PAPSS2: variants seen among roughly 807,000 people sequenced by gnomAD.
The protein encoded by PAPSS2 is 3'-phosphoadenosine 5'-phosphosulfate synthase 2, also known as bifunctional 3'-phosphoadenosine 5'-phosphosulfate synthase 2.
In PAPSS2, 61 loss-of-function variants were observed where a neutral mutation model predicts 66.5. The ratio of observed to expected loss-of-function variants is 0.92; its 90% CI spans 0.75 to 1.14. PAPSS2 has a LOEUF of 1.14. Among genes scored for constraint, PAPSS2 ranks in the 50% most tolerant of loss-of-function variants. The pLI, the probability that PAPSS2 is intolerant of heterozygous loss-of-function variation, is 0.00. For synonymous variants in PAPSS2, 289 were observed against 287.5 expected (o/e 1.01, Z -0.05); for missense variants, 708 against 789.6 (o/e 0.90, Z 1.24).
At chr10:87,714,284 A>G (rs1296489234) in intron 4 of PAPSS2, 102 bp downstream of exon 4, 4 of 1,273,628 alleles carry the variant, frequency 3.1e-6, no homozygotes, top group Non-Finnish European at 4.5e-6. Flanking sequence ...ACTGTTTTCC[A>G]AAATTGCATA....
At chr10:87,709,735 G>A (rs557685271) in intron 2 of PAPSS2, among the ~76,000 whole-genome samples, 7 of 152,260 alleles carry the variant, frequency 4.6e-5, no homozygotes, top group Admixed American at 1.3e-4. Flanking sequence ...AGAGATATTC[G>A]TTATTGTTGC....
chr10:87,714,900 A>G (rs1189033491), intron 5 of PAPSS2, 37 bp downstream of exon 5: 4 of 1,459,574 alleles, frequency 2.7e-6, no homozygotes, highest in South Asian at 1.1e-5. Flanking sequence ...TATGTTTAAT[A>G]AAATCATGAA....
chr10:87,670,952 C>G lies in PAPSS2; in HGVS notation c.27+10944C>G, dbSNP rs1852869600. On this transcript the variant is annotated intron_variant, in intron 1 of 12. Transcript: ENST00000456849. Reference sequence around the variant, plus strand: ...ACATCCCTTGGGATTCAGGAAGGCACCTTGTGTACCCAACAGGGTTCCCCA... The same window carrying G: ...ACATCCCTTGGGATTCAGGAAGGCAGCTTGTGTACCCAACAGGGTTCCCCA... 2.6e-5 allele frequency among the ~76,000 whole-genome samples: 4 copies of G among 152,182 alleles called. No individual in the cohort carries two copies. The South Asian group carries it at 8.3e-4, about 32-fold the overall frequency.
At chr10:87,743,020 C>T (rs1408097435) in intron 10 of PAPSS2, among the ~76,000 whole-genome samples, 2 of 152,040 alleles carry the variant, frequency 1.3e-5, no homozygotes, top group Admixed American at 6.6e-5. Context: ...CTGAGGCAGG[C>T]GGATCACTTG....
intron 1 of PAPSS2, among the ~76,000 whole-genome samples, chr10:87,705,342 T>G (rs1449080253): frequency 6.6e-6 from 1 of 152,252 alleles, no homozygotes; most frequent in Non-Finnish European, 1.5e-5. Context: ...ATTTTCCTAT[T>G]GATGGACACT....
chr10:87,660,831 A>C (rs1414234809), intron 1 of PAPSS2, among the ~76,000 whole-genome samples: 2 of 123,984 alleles, frequency 1.6e-5, no homozygotes, highest in African/African-American at 3.2e-5. Context: ...AAAAAAAAAA[A>C]AAACCGGGAG....
In PAPSS2 at chr10:87,741,321, C is replaced by G. The variant is rs1356498341; in HGVS notation, c.1173C>G (p.Tyr391Ter). 1 of 1,613,698 alleles carries G rather than the reference C, an allele frequency of 6.2e-7. No homozygotes were observed. Among genetic ancestry groups the G allele is most frequent in the East Asian group, 2.2e-5 (1 of 44,872 alleles). The change falls in exon 10 of 13, where the codon TAC becomes TAG. Residue 391 changes from tyrosine (Y) to a stop codon, truncating the protein, a stop_gained. Transcript: ENST00000456849. LOFTEE classifies it high-confidence loss of function. The stretch of plus-strand genomic sequence containing the variant: ...GATGGAATGATGGGCTGGACCAATA[C>G]CGTCTGACACCTCTGGAGCTCAAAC... ...KIRWNDGLDQ[Y>*]RLTPLELKQK... is the part of the protein sequence containing the mutation.
chr10:87,746,093 AGTT>A lies in PAPSS2; in HGVS notation c.*126_*128del. 1.1e-6 allele frequency: 1 copy of A among 872,220 alleles called. No homozygotes were observed. The highest frequency in any genetic ancestry group is 1.8e-6 in the Non-Finnish European group (1 of 565,084). 54.0% of individuals were successfully genotyped at this position (872,220 alleles called of 1,614,324 possible). ...TTTTAATCTTTTATAATGAAGTAAAAGTTGTGTCTATAATTAAAAAAAAATATA... is the reference window on the plus strand; with the variant it reads ...TTTTAATCTTTTATAATGAAGTAAAAGTGTCTATAATTAAAAAAAAATATA... On this transcript the variant is annotated 3_prime_UTR_variant, in exon 13 of 13. Coordinates refer to ENST00000456849, the MANE Select transcript of PAPSS2 (RefSeq NM_001015880.2).
chr10:87,697,071 T>A (rs1853243473), intron 1 of PAPSS2, among the ~76,000 whole-genome samples: 1 of 152,250 alleles, frequency 6.6e-6, no homozygotes, highest in Admixed American at 6.5e-5. Flanking sequence ...ACATTTAGTT[T>A]TGTCTCCTTA....
At chr10:87,682,118 T>C (rs1853028672) in intron 1 of PAPSS2, among the ~76,000 whole-genome samples, 1 of 152,030 alleles carries the variant, frequency 6.6e-6, no homozygotes, top group South Asian at 2.1e-4. Context: ...ATTGAAAAAA[T>C]AGAATACGAA....
Position 87,679,107 on chromosome 10 carries a change from A to G in PAPSS2, c.27+19099A>G, listed in dbSNP as rs1238285142. Among the ~76,000 whole-genome samples the G allele has an allele frequency of 3.9e-5, 6 of 152,234 alleles. No homozygotes were observed. In the South Asian group the frequency reaches 6.2e-4, roughly 16 times the overall value. ...GAATACTATTCAGCCATAAAAAAGAATGAAATCATGTCATTTGCAGCAACA... is the reference window on the plus strand; with the variant it reads ...GAATACTATTCAGCCATAAAAAAGAGTGAAATCATGTCATTTGCAGCAACA... On this transcript the variant is annotated intron_variant, in intron 1 of 12. Transcript: ENST00000456849.
rs561902038 is a variant in PAPSS2 at position 87,665,321 on chromosome 10, T to C, written c.27+5313T>C. Among the ~76,000 whole-genome samples, 306 of 152,158 alleles carry C rather than the reference T, an allele frequency of 2.0e-3. 4 individuals are homozygous for C. The highest frequency in any genetic ancestry group is 8.0e-3 in the Admixed American group (122 of 15,270). On this transcript the variant is annotated intron_variant, in intron 1 of 12. Transcript: ENST00000456849. ...CCGCCTTCCGGGTTCACGCCATTCT[T>C]CTGCCTCAGCCTCCCGAGTAGCTGG...
In PAPSS2 at chr10:87,714,114, C is replaced by T; in HGVS notation, c.452C>T (p.Pro151Leu). 1 of 1,613,648 alleles carries T rather than the reference C, an allele frequency of 6.2e-7. No individual in the cohort carries two copies. The highest frequency in any genetic ancestry group is 1.1e-5 in the South Asian group (1 of 91,076). The change falls in exon 4 of 13, where the codon CCT (proline) becomes CTT (leucine). Residue 151 changes from proline (P) to leucine (L), a missense_variant. Transcript: ENST00000456849. ...LPFFEIFVDA[P>L]LNICESRDVK... The stretch of plus-strand genomic sequence containing the variant: ...TTCTTTGAAATATTTGTAGATGCAC[C>T]TCTAAATATTTGTGAAAGCAGAGAC...
At chr10:87,735,832 C>T (rs1408328169) in intron 9 of PAPSS2, among the ~76,000 whole-genome samples, 1 of 152,214 alleles carries the variant, frequency 6.6e-6, no homozygotes, top group African/African-American at 2.4e-5. Flanking sequence ...CTAAATCAGC[C>T]TCTGTTTAGA....
chr10:87,691,296 A>G (rs1853168112), intron 1 of PAPSS2, among the ~76,000 whole-genome samples: 1 of 152,208 alleles, frequency 6.6e-6, no homozygotes, highest in African/African-American at 2.4e-5. Flanking sequence ...ACATTCATTC[A>G]GTAAATTTTG....
At chr10:87,711,217 T>C (rs1853459552) in intron 2 of PAPSS2, among the ~76,000 whole-genome samples, 1 of 152,208 alleles carries the variant, frequency 6.6e-6, no homozygotes, top group African/African-American at 2.4e-5. Flanking sequence ...AGTTTTCTTA[T>C]TTGTACAATG....
intron 1 of PAPSS2, among the ~76,000 whole-genome samples, chr10:87,690,278 C>T (rs188014363): frequency 1.6e-4 from 24 of 152,242 alleles, no homozygotes; most frequent in Non-Finnish European, 2.9e-4. Context: ...ACCCTCTGTA[C>T]TGATGTGGAA....
At chr10:87,696,152 C>T (rs1445139195) in intron 1 of PAPSS2, among the ~76,000 whole-genome samples, 1 of 152,168 alleles carries the variant, frequency 6.6e-6, no homozygotes. Context: ...TGGGTCCATT[C>T]GAGGGCAGGA....
At position 87,747,348 on chromosome 10, in the gene PAPSS2, C is replaced by A. The variant is rs1164521531; in HGVS notation, c.*1378C>A. On this transcript the variant is annotated 3_prime_UTR_variant, in exon 13 of 13. Transcript: ENST00000456849. ...AATATATAGGTCTCTCTGGAAGAGA[C>A]CTAAATTAGAAAGAGAAAACTGTGA... The A allele has an allele frequency of 2.0e-5, 3 of 151,974 alleles. No homozygotes were observed. The highest frequency in any genetic ancestry group is 6.6e-5 in the Admixed American group (1 of 15,258). 9.4% of individuals were successfully genotyped at this position (151,974 alleles called of 1,614,324 possible). A position where few individuals can be genotyped will look rare whatever the true frequency, so the allele number is the denominator to read the frequency against.
Sources: allele counts gnomAD v4.1 joint callset (sites outside exome capture counted in the v4.1 genomes callset), GRCh38; gene constraint gnomAD v4.1.1; transcripts MANE v1.5; gene names NCBI Gene and HGNC (gene_info 2026-07-23, HGNC 2026-07-21).